Variants in SORL1 observed in about 807,000 individuals in gnomAD.
SORL1 encodes sortilin-related receptor.
Under a neutral mutation model 273.7 loss-of-function variants are expected in SORL1, and 127 were observed. The ratio of observed to expected loss-of-function variants is 0.46; its 90% CI spans 0.40 to 0.54. The LOEUF (loss-of-function observed/expected upper bound fraction) is 0.54, where lower values mean the gene tolerates loss of function less well. SORL1 is among the 20% of genes least tolerant of loss of function. The pLI is 0.00. For synonymous variants in SORL1, 1,031 were observed against 1,067.4 expected, an observed-to-expected ratio of 0.97 and a Z score of 0.66; for missense variants, 2,494 against 2,846.1, an observed-to-expected ratio of 0.88 and a Z score of 2.81.
intron 24 of SORL1, 154 bp from the exon 25 acceptor site, chr11:121,577,127 C>A (rs965027008): frequency 1.7e-6 from 2 of 1,157,644 alleles, no homozygotes; most frequent in Non-Finnish European, 2.5e-6. Flanking sequence ...GTTAAATGAC[C>A]TTTTGTCCCT....
intron 28 of SORL1, among the ~76,000 whole-genome samples, chr11:121,588,481 C>G (rs1863155959): frequency 6.6e-6 from 1 of 152,136 alleles, no homozygotes; most frequent in African/African-American, 2.4e-5. Context: ...AGTACTGTAT[C>G]AGATGGCACT....
At chr11:121,614,164 A>G (rs951794300) in intron 40 of SORL1, 1 of 152,220 alleles carries the variant, frequency 6.6e-6, no homozygotes, top group African/African-American at 2.4e-5. Context: ...CAGAAAGGGG[A>G]TACATATTTG....
At chr11:121,573,270 C>T (rs1862875257) in intron 23 of SORL1, among the ~76,000 whole-genome samples, 1 of 152,108 alleles carries the variant, frequency 6.6e-6, no homozygotes, top group Admixed American at 6.6e-5. Context: ...ATAATGCTAC[C>T]AAGTAAAGGC....
intron 8 of SORL1, among the ~76,000 whole-genome samples, chr11:121,520,084 C>T (rs1239072419): frequency 1.3e-5 from 2 of 151,986 alleles, no homozygotes; most frequent in East Asian, 3.9e-4. Flanking sequence ...AACCCCATCT[C>T]TACCAAAAAA....
chr11:121,483,229 G>A (rs1260503468), intron 3 of SORL1, among the ~76,000 whole-genome samples: 1 of 152,180 alleles, frequency 6.6e-6, no homozygotes, highest in Non-Finnish European at 1.5e-5. Context: ...GTGACTACGG[G>A]CCAGCGCCAC....
intron 46 of SORL1, chr11:121,626,568 T>C (rs1283937041): frequency 6.6e-6 from 1 of 152,190 alleles, no homozygotes; most frequent in African/African-American, 2.4e-5. Flanking sequence ...TCTTGATGAA[T>C]ACCCTGTCAG....
At chr11:121,463,271 G>A (rs1184338916) in intron 1 of SORL1, among the ~76,000 whole-genome samples, 2 of 136,426 alleles carry the variant, frequency 1.5e-5, no homozygotes, top group Non-Finnish European at 3.2e-5. Flanking sequence ...TTTTTTTTTT[G>A]CCAACTGGTA....
chr11:121,485,319 G>A (rs1861458051), intron 3 of SORL1, among the ~76,000 whole-genome samples: 1 of 152,146 alleles, frequency 6.6e-6, no homozygotes, highest in African/African-American at 2.4e-5. Flanking sequence ...AGGAAATGTT[G>A]CCGTTTTGTT....
At position 121,591,134 on chromosome 11, in the gene SORL1, C is replaced by T. The variant is rs372549539; in HGVS notation, c.4347C>T (p.Asp1449=). The change falls in exon 31 of 48, where the codon GAC becomes GAT. Residue 1449 remains aspartate, a synonymous_variant. Coordinates refer to ENST00000260197, the MANE Select transcript of SORL1 (RefSeq NM_003105.6). ...DGYRDCADGS[D]EEACPLLANV... is the part of the protein sequence containing the mutation. The stretch of plus-strand genomic sequence containing the variant: ...ACCGAGATTGTGCAGATGGCTCTGA[C>T]GAGGAAGCCTGCCCCTTGCTTGGTG... The T allele has an allele frequency of 3.7e-4, 590 of 1,614,044 alleles. No homozygotes were observed. The highest frequency in any genetic ancestry group is 4.8e-4 in the Non-Finnish European group (563 of 1,180,046).
intron 1 of SORL1, among the ~76,000 whole-genome samples, chr11:121,461,544 T>G (rs192871215): frequency 1.3e-3 from 205 of 152,292 alleles, no homozygotes; most frequent in African/African-American, 4.5e-3. Flanking sequence ...CACAGGGTGG[T>G]GAAGAAGCCA....
chr11:121,481,681 C>G (rs1441027348), intron 3 of SORL1, among the ~76,000 whole-genome samples: 1 of 128,414 alleles, frequency 7.8e-6, no homozygotes, highest in Middle Eastern at 4.7e-3. Flanking sequence ...TCCTCCTCCC[C>G]AGCTCCTCCC....
chr11:121,555,419 C>T (rs1862563864), intron 18 of SORL1, 101 bp downstream of exon 18: 1 of 1,447,616 alleles, frequency 6.9e-7, no homozygotes, highest in Admixed American at 2.0e-5. Flanking sequence ...TGTCAGATTA[C>T]TCAGGAAATT....
intron 16 of SORL1, among the ~76,000 whole-genome samples, chr11:121,553,119 T>C (rs1170859673): frequency 6.6e-6 from 1 of 152,232 alleles, no homozygotes; most frequent in East Asian, 1.9e-4. Flanking sequence ...GGTTAAAGCA[T>C]AGACTCTGGA....
Position 121,627,609 on chromosome 11 carries a change from T to C in SORL1, c.6419T>C (p.Val2140Ala). 1.2e-6 allele frequency: 2 copies of C among 1,614,230 alleles called. No homozygotes were observed. Among genetic ancestry groups the C allele is most frequent in the Non-Finnish European group, 1.7e-6 (2 of 1,180,040 alleles). ...AARSTDVAAVVVPILFLILLS... is the reference protein window; with the variant it reads ...AARSTDVAAVAVPILFLILLS... ...AGATCTACGGATGTTGCTGCTGTGG[T>C]GGTGCCCATCTTATTCCTGATACTG... Residue 2140 changes from valine to alanine, a missense_variant, in exon 47 of 48, where the codon GTG becomes GCG. By Grantham distance (64) the Val-to-Ala change is moderately conservative. Coordinates refer to ENST00000260197, the MANE Select transcript of SORL1 (RefSeq NM_003105.6). This position sits in a 1 kb window ranked among gnomAD's most constrained non-coding sequence, Gnocchi z 4.9.
intron 25 of SORL1, among the ~76,000 whole-genome samples, chr11:121,578,449 A>G (rs976378827): frequency 4.6e-5 from 7 of 152,224 alleles, no homozygotes; most frequent in African/African-American, 1.7e-4. Flanking sequence ...AAGCACGCCT[A>G]CTAATTGGTA....
chr11:121,459,393 G>C lies in SORL1; in HGVS notation c.285+6777G>C, dbSNP rs566474667. ...ACAGGGCAATAAAAGCAAGAGTGGA[G>C]GGCTTGGGTCTAGACCCTAGGTATT... On this transcript the variant is annotated intron_variant, in intron 1 of 47. Transcript: ENST00000260197. Among the ~76,000 whole-genome samples, 163 of 152,294 alleles carry C rather than the reference G, an allele frequency of 1.1e-3. 1 individual carries two copies. Among genetic ancestry groups the C allele is most frequent in the Admixed American group, 2.8e-3 (43 of 15,304 alleles).
At chr11:121,558,858 C>T (rs765383153) in intron 20 of SORL1, 21 bp downstream of exon 20, 20 of 1,613,192 alleles carry the variant, frequency 1.2e-5, no homozygotes, top group Admixed American at 1.7e-5. Context: ...TTGTTGCTGC[C>T]GGACAGTCTG....
rs146269147 is a variant in SORL1, at chr11:121,572,824, T to C, written c.3338-1417T>C. Among the ~76,000 whole-genome samples the C allele has an allele frequency of 1.5e-4, 23 of 152,248 alleles. No homozygotes were observed. The East Asian group carries it at 4.5e-3, about 29-fold the overall frequency. On this transcript the variant is annotated intron_variant, in intron 23 of 47. Coordinates refer to ENST00000260197, the MANE Select transcript of SORL1 (RefSeq NM_003105.6). Reference sequence around the variant, plus strand: ...GGTTTTGACGCGAATCCCTGCAGTCTTGTCATTTTGCATTCATCCCCTGCC... The same window carrying C: ...GGTTTTGACGCGAATCCCTGCAGTCCTGTCATTTTGCATTCATCCCCTGCC...
rs1254867458 is a variant in SORL1, at chr11:121,627,472, T to A, written c.6365-83T>A. Reference sequence around the variant, plus strand: ...AGCTGTGGCTATCGCCCAGCTTTTTTTGGTGGGTGGGGCCTTGAGGAGTCA... The same window carrying A: ...AGCTGTGGCTATCGCCCAGCTTTTTATGGTGGGTGGGGCCTTGAGGAGTCA... On this transcript the variant is annotated intron_variant, in intron 46 of 47. Transcript: ENST00000260197. The surrounding 1 kb of genome is among the most constrained non-coding windows in gnomAD (Gnocchi z 4.9). 9.7e-6 allele frequency: 11 copies of A among 1,138,900 alleles called. No homozygotes were observed. The East Asian group carries it at 2.6e-4, about 27-fold the overall frequency. 70.5% of individuals were successfully genotyped at this position (1,138,900 alleles called of 1,614,324 possible). A position where few individuals can be genotyped will look rare whatever the true frequency, so the allele number is the denominator to read the frequency against.
Sources: allele counts gnomAD v4.1 joint callset (sites outside exome capture counted in the v4.1 genomes callset), GRCh38; gene constraint gnomAD v4.1.1; non-coding constraint Gnocchi (gnomAD v3.1); transcripts MANE v1.5; gene names NCBI Gene and HGNC (gene_info 2026-07-23, HGNC 2026-07-21).